Variants in KCNMA1 observed in about 807,000 individuals in gnomAD.
KCNMA1 encodes Calcium-activated potassium channel subunit alpha-1.
Under a neutral mutation model 140.0 loss-of-function variants are expected in KCNMA1, and 29 were observed. The observed-to-expected ratio is 0.21, with a 90% confidence interval of 0.15 to 0.28. The LOEUF (loss-of-function observed/expected upper bound fraction) is 0.28. Among genes scored for constraint, KCNMA1 ranks in the 10% least tolerant of loss-of-function variants. KCNMA1 has a pLI of 1.00. For missense variants in KCNMA1, 880 were observed against 1,602.2 expected (o/e 0.55, Z 7.70); for synonymous variants, 612 against 611.9 (o/e 1.00, Z 0.00).
intron 1 of KCNMA1, among the ~76,000 whole-genome samples, chr10:77,633,386 C>T (rs957299264): frequency 2.0e-5 from 3 of 152,084 alleles, no homozygotes; most frequent in Non-Finnish European, 2.9e-5. Flanking sequence ...TGGACAAGGG[C>T]AGGTCAGCTG....
At chr10:77,587,786 A>AG in intron 1 of KCNMA1, 1 of 985,306 alleles carries the variant, frequency 1.0e-6, no homozygotes, top group Non-Finnish European at 1.2e-6. Flanking sequence ...ACACTTACTG[A>AG]GCGCCTATCA....
intron 1 of KCNMA1, among the ~76,000 whole-genome samples, chr10:77,522,461 T>C (rs1438830485): frequency 6.6e-6 from 1 of 152,174 alleles, no homozygotes; most frequent in East Asian, 1.9e-4. Flanking sequence ...GTTTCAAAAT[T>C]GAATAACTGT....
chr10:77,094,290 C>A (rs548174961), intron 9 of KCNMA1, among the ~76,000 whole-genome samples: 1 of 152,302 alleles, frequency 6.6e-6, no homozygotes, highest in Admixed American at 6.5e-5. Context: ...GTAAAAGTGA[C>A]TTGCCCAGGA....
chr10:77,450,759 CAGG>C (rs2097634734), intron 1 of KCNMA1, among the ~76,000 whole-genome samples: 1 of 152,172 alleles, frequency 6.6e-6, no homozygotes, highest in South Asian at 2.1e-4. Context: ...AGACTCATTC[CAGG>C]AGGTTACCAA....
chr10:77,061,930 T>C (rs1565852920), intron 14 of KCNMA1, among the ~76,000 whole-genome samples: 1 of 152,196 alleles, frequency 6.6e-6, no homozygotes, highest in Non-Finnish European at 1.5e-5. Flanking sequence ...ATGATGCCTT[T>C]ACATGACAGA....
chr10:77,287,901 C>A (rs1432573760), intron 2 of KCNMA1, among the ~76,000 whole-genome samples: 1 of 152,182 alleles, frequency 6.6e-6, no homozygotes, highest in Admixed American at 6.5e-5. Context: ...ATCACTAAGC[C>A]AGGTTGTTAG....
chr10:77,223,026 G>A (rs561205460), intron 3 of KCNMA1, among the ~76,000 whole-genome samples: 1 of 152,090 alleles, frequency 6.6e-6, no homozygotes, highest in South Asian at 2.1e-4. Flanking sequence ...TCAGGAGTTC[G>A]AGACCAGCCT....
intron 1 of KCNMA1, among the ~76,000 whole-genome samples, chr10:77,512,385 G>A (rs1410732435): frequency 6.6e-6 from 1 of 152,060 alleles, no homozygotes; most frequent in African/African-American, 2.4e-5. Context: ...ACAGTCACAT[G>A]ACTTTTATTA....
chr10:77,409,997 C>G (rs1300041453), intron 1 of KCNMA1, among the ~76,000 whole-genome samples: 1 of 152,162 alleles, frequency 6.6e-6, no homozygotes, highest in Non-Finnish European at 1.5e-5. Context: ...AAAGCAACTG[C>G]TTTACAAACG....
In KCNMA1 at chr10:77,142,212, C is replaced by CA. The variant is rs891850890; in HGVS notation, c.809-21165dup. On this transcript the variant is annotated intron_variant, in intron 5 of 27. Coordinates refer to ENST00000286628, the MANE Select transcript of KCNMA1 (RefSeq NM_001161352.2). ...GAAACCCTGTCTCTACTAAAAAATACAAAAAAAAATTAGCCGGGCGTGGTG... is the reference window on the plus strand; with the variant it reads ...GAAACCCTGTCTCTACTAAAAAATACAAAAAAAAAATTAGCCGGGCGTGGTG... Among the ~76,000 whole-genome samples, 7 of 150,454 alleles carry CA rather than the reference C, an allele frequency of 4.7e-5. No homozygotes were observed. The South Asian group carries it at 8.4e-4, about 18-fold the overall frequency.
chr10:77,343,051 A>G (rs1369718920), intron 2 of KCNMA1, among the ~76,000 whole-genome samples: 2 of 152,026 alleles, frequency 1.3e-5, no homozygotes, highest in African/African-American at 4.8e-5. Flanking sequence ...GGCTTTGTGG[A>G]TTTATGTCTC....
At chr10:77,104,250 C>T (rs1001382475) in intron 9 of KCNMA1, among the ~76,000 whole-genome samples, 3 of 152,194 alleles carry the variant, frequency 2.0e-5, no homozygotes, top group African/African-American at 4.8e-5. Flanking sequence ...TTCACATTCT[C>T]ATTTCAGGAA....
chr10:77,253,662 C>T (rs1407954554), intron 2 of KCNMA1, among the ~76,000 whole-genome samples: 1 of 152,100 alleles, frequency 6.6e-6, no homozygotes, highest in Non-Finnish European at 1.5e-5. Context: ...AGGGAAATAA[C>T]CTCCACAGCT....
intron 1 of KCNMA1, among the ~76,000 whole-genome samples, chr10:77,533,151 C>T (rs1245325996): frequency 6.6e-6 from 1 of 152,156 alleles, no homozygotes; most frequent in African/African-American, 2.4e-5. Flanking sequence ...CAGGGCTGAC[C>T]ATCCAGGGCA....
chr10:77,240,201 G>A (rs1599683899), intron 3 of KCNMA1, among the ~76,000 whole-genome samples: 2 of 152,186 alleles, frequency 1.3e-5, no homozygotes, highest in East Asian at 1.9e-4. Flanking sequence ...AGCTCTTGCA[G>A]TTCTTAAACA....
At chr10:77,528,165 G>C (rs915804801) in intron 1 of KCNMA1, among the ~76,000 whole-genome samples, 1 of 152,210 alleles carries the variant, frequency 6.6e-6, no homozygotes, top group South Asian at 2.1e-4. Context: ...CCATGCCTCA[G>C]AGCTTGCACC....
chr10:77,529,599 C>A (rs2057029075), intron 1 of KCNMA1, among the ~76,000 whole-genome samples: 1 of 152,066 alleles, frequency 6.6e-6, no homozygotes, highest in South Asian at 2.1e-4. Flanking sequence ...ATATAAATAA[C>A]AAATGAGTTA....
At chr10:77,625,460 A>C (rs115283949) in intron 1 of KCNMA1, among the ~76,000 whole-genome samples, 2,615 of 152,192 alleles carry the variant, frequency 0.017, 77 homozygotes, top group African/African-American at 0.06. Context: ...ATTGTTGTGC[A>C]TCCCATCTCC....
At chr10:77,527,011 A>T (rs1219641996) in intron 1 of KCNMA1, among the ~76,000 whole-genome samples, 1 of 152,224 alleles carries the variant, frequency 6.6e-6, no homozygotes, top group Non-Finnish European at 1.5e-5. Flanking sequence ...CATTGTGTAC[A>T]AATATAGTAA....
Sources: allele counts gnomAD v4.1 joint callset (sites outside exome capture counted in the v4.1 genomes callset), GRCh38; gene constraint gnomAD v4.1.1; transcripts MANE v1.5; gene names NCBI Gene and HGNC (gene_info 2026-07-23, HGNC 2026-07-21).